DYRK1A: variants seen among roughly 807,000 people sequenced by gnomAD.
DYRK1A encodes the protein dual specificity tyrosine-phosphorylation-regulated kinase 1A.
DYRK1A carries 9 observed loss-of-function variants against 79.7 expected under a neutral mutation model. The ratio of observed to expected loss-of-function variants is 0.11; its 90% confidence interval spans 0.07 to 0.20. The LOEUF is 0.20. Among genes scored for constraint, DYRK1A ranks in the 10% least tolerant of loss-of-function variants. DYRK1A has a pLI of 1.00. For missense variants in DYRK1A, 622 were observed against 956.0 expected (o/e 0.65, Z 4.61); for synonymous variants, 349 against 329.7 (o/e 1.06, Z -0.63).
chr21:37,507,112 GAA>G (rs2053619398), intron 11 of DYRK1A, among the ~76,000 whole-genome samples: 1 of 152,110 alleles, frequency 6.6e-6, no homozygotes, highest in Non-Finnish European at 1.5e-5. Context: ...GCTTTGTAAG[GAA>G]AAGAGTCTTC....
upstream of DYRK1A, among the ~76,000 whole-genome samples, chr21:37,366,435 CG>C (rs1401473241): frequency 6.8e-6 from 1 of 147,182 alleles, no homozygotes; most frequent in Non-Finnish European, 1.5e-5. Flanking sequence ...GGCCGGGAGG[CG>C]GCGGGCGATC....
intron 1 of DYRK1A, among the ~76,000 whole-genome samples, chr21:37,384,128 G>C (rs918612620): frequency 6.6e-6 from 1 of 152,106 alleles, no homozygotes; most frequent in Non-Finnish European, 1.5e-5. Flanking sequence ...CCCAGATAAA[G>C]CCACGTGGCC....
At chr21:37,498,164 A>C (rs2148631949) in intron 9 of DYRK1A, among the ~76,000 whole-genome samples, 1 of 152,300 alleles carries the variant, frequency 6.6e-6, no homozygotes, top group African/African-American at 2.4e-5. Flanking sequence ...CCAATAATGA[A>C]ATAAATACTA....
chr21:37,511,938 G>C lies in DYRK1A; in HGVS notation c.1672G>C (p.Gly558Arg). 1.2e-6 allele frequency: 2 copies of C among 1,613,614 alleles called. No homozygotes were observed. Among genetic ancestry groups the C allele is most frequent in the East Asian group, 2.2e-5 (1 of 44,862 alleles). The change falls in exon 12 of 12, where the codon GGT becomes CGT. Residue 558 changes from glycine to arginine, a missense_variant. By Grantham distance (125) the Gly-to-Arg change is moderately radical. Around this residue, in one of 5 missense-constraint regions of DYRK1A, gnomAD observed 292 missense variants for 316.7 expected, o/e 0.92. Coordinates refer to ENST00000647188, the MANE Select transcript of DYRK1A (RefSeq NM_001347721.2). The part of the protein sequence containing the change: ...QVRQQFPAPL[G>R]WSGTEAPTQV... The stretch of plus-strand genomic sequence containing the variant: ...GCGTCAGCAATTTCCTGCTCCTCTT[G>C]GTTGGTCAGGCACTGAAGCTCCTAC...
rs997799749 is a variant in DYRK1A, at chr21:37,491,719, T to A, written c.924+1258T>A. On this transcript the variant is annotated intron_variant, in intron 7 of 11. Coordinates refer to ENST00000647188, the MANE Select transcript of DYRK1A (RefSeq NM_001347721.2). ...AGTTAATATGTGGTAGAGTATATTG[T>A]GAATGAAAAATACATGCCCATCTTG... Among the ~76,000 whole-genome samples, 53 of 152,312 alleles carry A rather than the reference T, an allele frequency of 3.5e-4. 1 individual carries two copies. Among genetic ancestry groups the A allele is most frequent in the Middle Eastern group, 6.8e-3 (2 of 294 alleles).
intron 1 of DYRK1A, among the ~76,000 whole-genome samples, chr21:37,389,171 A>G (rs911150846): frequency 2.7e-5 from 4 of 149,946 alleles, no homozygotes; most frequent in African/African-American, 9.9e-5. Context: ...AGCCACCACT[A>G]CTTGGCCTTA....
In DYRK1A at chr21:37,418,033, A is replaced by T. The variant is rs866501069; in HGVS notation, c.-76-2266A>T. Among the ~76,000 whole-genome samples, 7 of 152,298 alleles carry T rather than the reference A, an allele frequency of 4.6e-5. 1 individual carries two copies. The Middle Eastern group carries it at 0.01, about 222-fold the overall frequency. ...ACTGTCTAGATTTTTAAGCTTCTTT[A>T]AGAAGAAAATCGTATCTGTAGCTTA... On this transcript the variant is annotated intron_variant, in intron 1 of 11. Coordinates refer to ENST00000647188, the MANE Select transcript of DYRK1A (RefSeq NM_001347721.2).
At chr21:37,431,814 A>G (rs1007279591) in intron 2 of DYRK1A, among the ~76,000 whole-genome samples, 2 of 152,234 alleles carry the variant, frequency 1.3e-5, no homozygotes, top group South Asian at 2.1e-4. Flanking sequence ...GAAAGATGAC[A>G]CTTACTGTAC....
chr21:37,417,500 A>C (rs3831373), intron 1 of DYRK1A, among the ~76,000 whole-genome samples: 347 of 49,262 alleles, frequency 7.0e-3, no homozygotes, highest in African/African-American at 0.014. Flanking sequence ...TGTATTTTTT[A>C]TTTTTCTTTT....
intron 8 of DYRK1A, among the ~76,000 whole-genome samples, chr21:37,494,254 T>G (rs79397092): frequency 6.9e-6 from 1 of 144,916 alleles, no homozygotes; most frequent in African/African-American, 2.6e-5. Context: ...TCATAGTTTG[T>G]TTTTTTTTTT....
chr21:37,405,166 C>T (rs1002739843), intron 1 of DYRK1A, among the ~76,000 whole-genome samples: 1 of 151,914 alleles, frequency 6.6e-6, no homozygotes, highest in Non-Finnish European at 1.5e-5. Context: ...AAGATGAGGC[C>T]CACTGAGAGG....
chr21:37,414,614 A>G (rs2050302806), intron 1 of DYRK1A, among the ~76,000 whole-genome samples: 1 of 152,140 alleles, frequency 6.6e-6, no homozygotes, highest in Non-Finnish European at 1.5e-5. Context: ...ACTACATACT[A>G]AAGGAGTTCT....
chr21:37,480,896 C>T, intron 5 of DYRK1A, 70 bp downstream of exon 5: 1 of 1,266,506 alleles, frequency 7.9e-7, no homozygotes, highest in Non-Finnish European at 1.1e-6. Context: ...TTGTTAACAG[C>T]CCTTCCTCAA....
chr21:37,386,296 C>T (rs2049758794), intron 1 of DYRK1A, among the ~76,000 whole-genome samples: 1 of 152,144 alleles, frequency 6.6e-6, no homozygotes, highest in Admixed American at 6.5e-5. Context: ...AAAACCATCT[C>T]TCCACCCCCA....
intron 1 of DYRK1A, among the ~76,000 whole-genome samples, chr21:37,396,662 T>A (rs1270331702): frequency 6.6e-6 from 1 of 152,160 alleles, no homozygotes; most frequent in Non-Finnish European, 1.5e-5. Flanking sequence ...TGTTTTAAAA[T>A]TTCCATAGGC....
In DYRK1A at chr21:37,517,872, A is replaced by G. The variant is rs1420719415; in HGVS notation, c.*5341A>G. ...GAAAGAAAATACCTCTAGTGGCATG[A>G]AACGGCTAAGTTTTTTTTAATGTTA... On this transcript the variant is annotated 3_prime_UTR_variant, in exon 12 of 12. Coordinates refer to ENST00000647188, the MANE Select transcript of DYRK1A (RefSeq NM_001347721.2). The G allele has an allele frequency of 2.6e-5, 4 of 152,350 alleles. No individual in the cohort carries two copies. The East Asian group carries it at 7.7e-4, about 29-fold the overall frequency. 9.4% of individuals were successfully genotyped at this position (152,350 alleles called of 1,614,324 possible). A position where few individuals can be genotyped will look rare whatever the true frequency, so the allele number is the denominator to read the frequency against.
intron 1 of DYRK1A, among the ~76,000 whole-genome samples, chr21:37,397,478 G>A (rs1328779114): frequency 1.3e-5 from 2 of 152,176 alleles, no homozygotes; most frequent in Non-Finnish European, 2.9e-5. Flanking sequence ...AGAGTAGTTA[G>A]AAGTTTGCTA....
chr21:37,455,040 G>A (rs928087334), intron 2 of DYRK1A, among the ~76,000 whole-genome samples: 10 of 74,684 alleles, frequency 1.3e-4, no homozygotes, highest in African/African-American at 6.3e-4. Context: ...TTTTTTTTTC[G>A]TGCCCCAGCA....
chr21:37,429,577 A>C (rs1490410298), intron 2 of DYRK1A, among the ~76,000 whole-genome samples: 1 of 152,142 alleles, frequency 6.6e-6, no homozygotes, highest in Non-Finnish European at 1.5e-5. Context: ...GAACGTACTC[A>C]CCATCGTGAG....
Sources: gnomAD v4.1 joint callset for allele counts (sites outside exome capture counted in the v4.1 genomes callset) on GRCh38, gnomAD v4.1.1 for gene constraint, gnomAD v4.1.1 regional missense constraint, MANE v1.5 for transcripts, NCBI Gene and HGNC (gene_info 2026-07-23, HGNC 2026-07-21) for gene names.